Variants in LPP observed in about 807,000 individuals in gnomAD.
LPP encodes the protein lipoma-preferred partner.
In LPP, 38 loss-of-function variants were observed where a neutral mutation model predicts 60.4. That is an observed-to-expected ratio of 0.63 (90% CI 0.49 to 0.83). LPP has a LOEUF of 0.83. Ranked by LOEUF, LPP falls within the 40% of genes least tolerant of loss-of-function variation. The probability of loss-of-function intolerance (pLI) is 0.00; values close to 1 mark genes in which losing one functional copy is unlikely to be tolerated. For missense variants in LPP, 902 were observed against 783.6 expected (o/e 1.15, Z -1.80); for synonymous variants, 328 against 290.8 (o/e 1.13, Z -1.30).
At chr3:188,451,392 T>C (rs1578998041) in intron 4 of LPP, among the ~76,000 whole-genome samples, 1 of 152,198 alleles carries the variant, frequency 6.6e-6, no homozygotes, top group Non-Finnish European at 1.5e-5. Context: ...AAAAAATCTC[T>C]TGAAAATGTG....
intron 1 of LPP, among the ~76,000 whole-genome samples, chr3:188,200,171 GAC>G (rs1031508660): frequency 6.6e-6 from 1 of 151,636 alleles, no homozygotes; most frequent in Non-Finnish European, 1.5e-5. Flanking sequence ...GTTCAGGAAA[GAC>G]ATTCTGTATA....
At chr3:188,169,007 A>G (rs1720807143) in intron 1 of LPP, among the ~76,000 whole-genome samples, 1 of 152,172 alleles carries the variant, frequency 6.6e-6, no homozygotes, top group African/African-American at 2.4e-5. Flanking sequence ...GTTTTCCTAC[A>G]GTTTTCCTTT....
intron 8 of LPP, among the ~76,000 whole-genome samples, chr3:188,750,412 C>G (rs147118720): frequency 6.6e-6 from 1 of 152,106 alleles, no homozygotes; most frequent in Non-Finnish European, 1.5e-5. Context: ...GGGTGGATCA[C>G]CTGATGTCAG....
intron 9 of LPP, among the ~76,000 whole-genome samples, chr3:188,841,312 A>AAAAG (rs1553865840): frequency 6.6e-6 from 1 of 151,340 alleles, no homozygotes; most frequent in African/African-American, 2.4e-5. Flanking sequence ...CTGACAACTT[A>AAAAG]AGCTCATCCT....
intron 8 of LPP, among the ~76,000 whole-genome samples, chr3:188,726,768 G>A (rs1470502039): frequency 6.6e-6 from 1 of 152,096 alleles, no homozygotes; most frequent in Admixed American, 6.6e-5. Context: ...CAAATAAACA[G>A]CAATAGCAAC....
rs563843927 is a variant in LPP at position 188,401,383 on chromosome 3, C to T, written c.-9-4729C>T. ...AGAAATGCCTTGCTTCATACCCAAG[C>T]TCACAGTATTATTTCTAATCTTTGC... On this transcript the variant is annotated intron_variant, in intron 3 of 11. Coordinates refer to ENST00000617246, the MANE Select transcript of LPP (RefSeq NM_001375462.1). Among the ~76,000 whole-genome samples the T allele has an allele frequency of 1.3e-5, 2 of 152,308 alleles. 1 individual carries two copies. Among genetic ancestry groups the T allele is most frequent in the Admixed American group, 1.3e-4 (2 of 15,292 alleles).
At chr3:188,552,642 T>C (rs115948096) in intron 6 of LPP, among the ~76,000 whole-genome samples, 1,900 of 152,234 alleles carry the variant, frequency 0.012, 46 homozygotes, top group African/African-American at 0.044. Flanking sequence ...AGGCTGCCCA[T>C]ATTTCTTGGC....
rs11328247 is a variant in LPP at position 188,881,139 on chromosome 3, CAAAAA to C, written c.*6675_*6679del. 9.6e-5 allele frequency: 7 copies of C among 72,596 alleles called. No homozygotes were observed. The highest frequency in any genetic ancestry group is 5.9e-4 in the East Asian group (2 of 3,382). 4.5% of individuals were successfully genotyped at this position (72,596 alleles called of 1,614,324 possible). ...TGGGCGAAAGAGCGAGACTCCGTCTCAAAAAAAAAAAAAAAAAAATAGGATCATGG... is the reference window on the plus strand; with the variant it reads ...TGGGCGAAAGAGCGAGACTCCGTCTCAAAAAAAAAAAAAATAGGATCATGG... On this transcript the variant is annotated 3_prime_UTR_variant, in exon 12 of 12. Coordinates refer to ENST00000617246, the MANE Select transcript of LPP (RefSeq NM_001375462.1).
chr3:188,551,064 G>A (rs4234606), intron 6 of LPP, among the ~76,000 whole-genome samples: 65,800 of 151,866 alleles, frequency 0.43, 15,329 homozygotes, highest in East Asian at 0.92. Flanking sequence ...TCAAATTCTG[G>A]TCTTTTTAAA....
chr3:188,265,563 G>A (rs1442818135), intron 2 of LPP, among the ~76,000 whole-genome samples: 1 of 152,206 alleles, frequency 6.6e-6, no homozygotes, highest in African/African-American at 2.4e-5. Context: ...AAGGTGTTCT[G>A]TTTGTGCCAT....
chr3:188,684,018 TTG>T (rs1860115131), intron 7 of LPP, among the ~76,000 whole-genome samples: 1 of 152,216 alleles, frequency 6.6e-6, no homozygotes, highest in Non-Finnish European at 1.5e-5. Context: ...CAAGAGAACT[TTG>T]TGTTATTTTT....
In LPP at chr3:188,265,873, GTGTGT is replaced by G. The variant is rs1560176463; in HGVS notation, c.-67+40347_-67+40351del. On this transcript the variant is annotated intron_variant, in intron 2 of 11. Coordinates refer to ENST00000617246, the MANE Select transcript of LPP (RefSeq NM_001375462.1). Reference sequence around the variant, plus strand: ...AGGGCTGTGATAGGATTACTCTGGTGTGTGTGTGTGTGTGTGTGTGTGTGTGTGTG... The same window carrying G: ...AGGGCTGTGATAGGATTACTCTGGTGGTGTGTGTGTGTGTGTGTGTGTGTG... Among the ~76,000 whole-genome samples, 560 of 131,682 alleles carry G rather than the reference GTGTGT, an allele frequency of 4.3e-3. 6 individuals carry two copies. Among genetic ancestry groups the G allele is most frequent in the African/African-American group, 0.019 (522 of 28,042 alleles). 86.4% of individuals were successfully genotyped at this position (131,682 alleles called of 152,430 possible). A position where few individuals can be genotyped will look rare whatever the true frequency, so the allele number is the denominator to read the frequency against.
rs927561172 is a variant in LPP at position 188,884,818 on chromosome 3, G to A, written c.*10339G>A. 7 of 226,182 alleles carry A rather than the reference G, an allele frequency of 3.1e-5. No homozygotes were observed. Among genetic ancestry groups the A allele is most frequent in the Non-Finnish European group, 1.8e-5 (2 of 113,660 alleles). The allele number at this position is 226,182 out of a possible 1,614,324, so 14.0% of individuals were successfully genotyped here. A position where few individuals can be genotyped will look rare whatever the true frequency, so the allele number is the denominator to read the frequency against. Reference sequence around the variant, plus strand: ...TTCACATTTACTGAGAGCACACCACGTGCATGTTGCTGCAACAGGCATTTC... The same window carrying A: ...TTCACATTTACTGAGAGCACACCACATGCATGTTGCTGCAACAGGCATTTC... On this transcript the variant is annotated 3_prime_UTR_variant, in exon 12 of 12. Coordinates refer to ENST00000617246, the MANE Select transcript of LPP (RefSeq NM_001375462.1).
At chr3:188,317,656 T>C (rs968957441) in intron 2 of LPP, among the ~76,000 whole-genome samples, 2 of 152,326 alleles carry the variant, frequency 1.3e-5, no homozygotes, top group Admixed American at 6.5e-5. Context: ...TTTAGTGTAG[T>C]GCAACTAAGC....
At chr3:188,826,858 A>C (rs935600878) in intron 9 of LPP, among the ~76,000 whole-genome samples, 2 of 152,014 alleles carry the variant, frequency 1.3e-5, no homozygotes, top group Admixed American at 1.3e-4. Flanking sequence ...AATATGCCTT[A>C]TCTCTACTAC....
At chr3:188,612,150 G>T (rs762609183) in intron 7 of LPP, among the ~76,000 whole-genome samples, 34 of 151,938 alleles carry the variant, frequency 2.2e-4, no homozygotes, top group Non-Finnish European at 5.9e-5. Flanking sequence ...ATCATATTCG[G>T]CTGTGCATTG....
chr3:188,315,356 G>T (rs1344639801), intron 2 of LPP, among the ~76,000 whole-genome samples: 1 of 151,948 alleles, frequency 6.6e-6, no homozygotes, highest in Non-Finnish European at 1.5e-5. Context: ...GCATTTATGT[G>T]TTGGCTCTAC....
In LPP at chr3:188,365,417, G is replaced by A. The variant is rs1770833255; in HGVS notation, c.-10+23698G>A. ...TCGCCTCTGCTCTCTGCCATGTCAA[G>A]CTGATTTTAAGTTTACCGTCACTTT... is the stretch of plus-strand genomic sequence containing the variant. On this transcript the variant is annotated intron_variant, in intron 3 of 11. Coordinates refer to ENST00000617246, the MANE Select transcript of LPP (RefSeq NM_001375462.1). Among the ~76,000 whole-genome samples the A allele has an allele frequency of 2.6e-5, 4 of 152,340 alleles. 1 individual carries two copies. In the South Asian group the frequency reaches 8.3e-4, roughly 32 times the overall value.
chr3:188,773,556 T>C (rs1214539976), intron 9 of LPP, among the ~76,000 whole-genome samples: 1 of 152,164 alleles, frequency 6.6e-6, no homozygotes, highest in African/African-American at 2.4e-5. Context: ...GGAAAAGATA[T>C]TAAACATCTT....
Sources: allele counts gnomAD v4.1 joint callset (sites outside exome capture counted in the v4.1 genomes callset), GRCh38; gene constraint gnomAD v4.1.1; transcripts MANE v1.5; gene names NCBI Gene and HGNC (gene_info 2026-07-23, HGNC 2026-07-21).